Variants in CADPS observed in about 807,000 individuals in gnomAD.
CADPS encodes the protein calcium-dependent secretion activator 1.
A neutral mutation model predicts 167.3 loss-of-function variants in CADPS; 57 were observed. The ratio of observed to expected loss-of-function variants is 0.34; its 90% confidence interval spans 0.28 to 0.42. CADPS has a LOEUF of 0.42. Among genes scored for constraint, CADPS ranks in the 20% least tolerant of loss-of-function variants. The probability of loss-of-function intolerance (pLI) is 1.00; values close to 1 mark genes in which losing one functional copy is unlikely to be tolerated. For synonymous variants in CADPS, 676 were observed against 635.3 expected (o/e 1.06, Z -0.96); for missense variants, 1,414 against 1,738.1 (o/e 0.81, Z 3.32).
intron 3 of CADPS, among the ~76,000 whole-genome samples, chr3:62,689,433 AG>A (rs2078689930): frequency 6.6e-6 from 1 of 152,106 alleles, no homozygotes; most frequent in Non-Finnish European, 1.5e-5. Context: ...CTGCTGTAAA[AG>A]TGTGCAAGGA....
chr3:62,506,847 T>C, intron 17 of CADPS, among the ~76,000 whole-genome samples: 1 of 152,228 alleles, frequency 6.6e-6, no homozygotes, highest in South Asian at 2.1e-4. Flanking sequence ...ATGCTCTTTT[T>C]CTTCTAGAGT....
intron 3 of CADPS, among the ~76,000 whole-genome samples, chr3:62,670,785 C>G (rs2075371768): frequency 6.6e-6 from 1 of 152,186 alleles, no homozygotes; most frequent in Non-Finnish European, 1.5e-5. Flanking sequence ...GACCTCCCCT[C>G]TTCTTTTCCT....
chr3:62,621,895 TTC>T (rs375375223), intron 6 of CADPS, among the ~76,000 whole-genome samples: 6 of 24,754 alleles, frequency 2.4e-4, no homozygotes, highest in Admixed American at 7.5e-4. Context: ...TCCTACTTAC[TTC>T]TTTTTTTTTT....
intron 8 of CADPS, among the ~76,000 whole-genome samples, chr3:62,576,788 T>TAAAAAAAAAAAAAAA (rs138055445): frequency 0.014 from 412 of 29,752 alleles, 16 homozygotes; most frequent in East Asian, 0.043. Context: ...AGACTCTGTC[T>TAAAAAAAAAAAAAAA]AAAAAAAAAA....
chr3:62,474,846 A>G (rs759041511), intron 23 of CADPS, among the ~76,000 whole-genome samples: 8 of 152,174 alleles, frequency 5.3e-5, no homozygotes, highest in Non-Finnish European at 1.0e-4. Flanking sequence ...CAGCAAGTGT[A>G]TTACATTGCT....
intron 1 of CADPS, among the ~76,000 whole-genome samples, chr3:62,802,799 C>T (rs760703381): frequency 6.6e-6 from 1 of 152,090 alleles, no homozygotes; most frequent in Non-Finnish European, 1.5e-5. Flanking sequence ...CAATCTTTCC[C>T]AAGGGTCAAC....
chr3:62,508,388 G>A (rs1009309071), intron 17 of CADPS, among the ~76,000 whole-genome samples: 10 of 152,154 alleles, frequency 6.6e-5, no homozygotes, highest in Admixed American at 5.9e-4. Flanking sequence ...CAAATCACAA[G>A]CACTTTATAG....
intron 6 of CADPS, among the ~76,000 whole-genome samples, chr3:62,622,156 C>G (rs2063296518): frequency 6.6e-6 from 1 of 152,158 alleles, no homozygotes; most frequent in Admixed American, 6.6e-5. Context: ...TGGTCTGTAT[C>G]TCCAGAGAAT....
At chr3:62,675,525 G>A (rs538638445) in intron 3 of CADPS, among the ~76,000 whole-genome samples, 2 of 152,246 alleles carry the variant, frequency 1.3e-5, no homozygotes, top group South Asian at 4.1e-4. Flanking sequence ...TGGCTTAGAG[G>A]AGGGAAATAG....
chr3:62,617,676 G>A (rs1355332285), intron 6 of CADPS, among the ~76,000 whole-genome samples: 1 of 152,082 alleles, frequency 6.6e-6, no homozygotes, highest in African/African-American at 2.4e-5. Context: ...GGGGAAGGCT[G>A]TTCAGTATCC....
chr3:62,785,914 G>GAAAAAAAAAAAAAA (rs571340822), intron 1 of CADPS, among the ~76,000 whole-genome samples: 1 of 112,532 alleles, frequency 8.9e-6, no homozygotes, highest in Non-Finnish European at 1.9e-5. Context: ...TTTTCAAAAA[G>GAAAAAAAAAAAAAA]AAAAAAAAAA....
chr3:62,549,215 A>C (rs953357957), intron 11 of CADPS, among the ~76,000 whole-genome samples: 4 of 152,200 alleles, frequency 2.6e-5, no homozygotes, highest in African/African-American at 4.8e-5. Flanking sequence ...TGTTTTAATA[A>C]ATATTTCCAA....
intron 24 of CADPS, 166 bp downstream of exon 24, chr3:62,474,007 A>G (rs2060937648): frequency 7.6e-6 from 4 of 527,456 alleles, no homozygotes; most frequent in African/African-American, 4.0e-5. Flanking sequence ...TTAGAAATCT[A>G]CTTGACAAAC....
intron 10 of CADPS, among the ~76,000 whole-genome samples, chr3:62,551,160 C>A (rs2077259648): frequency 6.6e-6 from 1 of 152,150 alleles, no homozygotes; most frequent in Non-Finnish European, 1.5e-5. Flanking sequence ...CTTGACTTTT[C>A]CCCAGGGATA....
chr3:62,473,065 G>A (rs528542140), intron 24 of CADPS, among the ~76,000 whole-genome samples: 2 of 152,232 alleles, frequency 1.3e-5, no homozygotes, highest in South Asian at 2.1e-4. Flanking sequence ...TGAGTTTAAC[G>A]TACACTGAAA....
At chr3:62,443,084 A>T (rs559607876) in intron 27 of CADPS, among the ~76,000 whole-genome samples, 1 of 152,334 alleles carries the variant, frequency 6.6e-6, no homozygotes, top group South Asian at 2.1e-4. Context: ...TCTAATATGC[A>T]CTAAAATAAT....
At chr3:62,569,820 T>C (rs1449528849) in intron 9 of CADPS, among the ~76,000 whole-genome samples, 2 of 152,188 alleles carry the variant, frequency 1.3e-5, no homozygotes, top group Non-Finnish European at 2.9e-5. Context: ...AATTATAGTT[T>C]AAATGCTCTG....
intron 1 of CADPS, among the ~76,000 whole-genome samples, chr3:62,792,878 A>G (rs1355762112): frequency 6.6e-6 from 1 of 152,182 alleles, no homozygotes; most frequent in Non-Finnish European, 1.5e-5. Flanking sequence ...GATTACAGGC[A>G]TAAGTCACTG....
intron 23 of CADPS, among the ~76,000 whole-genome samples, chr3:62,477,646 C>T (rs574319091): frequency 1.3e-5 from 2 of 152,240 alleles, no homozygotes; most frequent in African/African-American, 4.8e-5. Context: ...TAACCTAGTC[C>T]TAAAAGCCAC....
Sources: allele counts gnomAD v4.1 joint callset (sites outside exome capture counted in the v4.1 genomes callset), GRCh38; gene constraint gnomAD v4.1.1; transcripts MANE v1.5; gene names NCBI Gene and HGNC (gene_info 2026-07-23, HGNC 2026-07-21).